NR3C1: variants seen among roughly 807,000 people sequenced by gnomAD.
NR3C1 encodes nuclear receptor subfamily 3 group C member 1, also known as glucocorticoid receptor.
In NR3C1, 14 loss-of-function variants were observed where a neutral mutation model predicts 74.0. The observed-to-expected ratio is 0.19, with a 90% CI of 0.12 to 0.30. The LOEUF (loss-of-function observed/expected upper bound fraction) is 0.30, where lower values mean the gene tolerates loss of function less well. Ranked by LOEUF, NR3C1 falls within the 10% of genes least tolerant of loss-of-function variation. NR3C1 has a pLI of 1.00. For synonymous variants in NR3C1, 308 were observed against 332.5 expected (o/e 0.93, Z 0.80); for missense variants, 695 against 909.8 (o/e 0.76, Z 3.04).
At chr5:143,369,087 A>C (rs966795916) in intron 2 of NR3C1, among the ~76,000 whole-genome samples, 1 of 152,240 alleles carries the variant, frequency 6.6e-6, no homozygotes, top group African/African-American at 2.4e-5. Context: ...GCACTTCTTA[A>C]AGGCCTCACA....
intron 3 of NR3C1, among the ~76,000 whole-genome samples, chr5:143,313,182 A>T (rs1330286850): frequency 6.6e-6 from 1 of 152,180 alleles, no homozygotes; most frequent in African/African-American, 2.4e-5. Context: ...AAATTATATG[A>T]CAATTTTTTT....
rs78530290 is a variant in NR3C1, at chr5:143,342,828, C to T, written c.1185-28660G>A. On this transcript the variant is annotated intron_variant, in intron 2 of 8. Transcript: ENST00000394464. ...AGTTAAAATACACTGTGATTCATGC[C>T]GCCATGTGAGAATATCAAAGGACCT... Among the ~76,000 whole-genome samples the T allele has an allele frequency of 4.4e-3, 672 of 152,158 alleles. 2 individuals are homozygous for T. The highest frequency in any genetic ancestry group is 0.015 in the African/African-American group (640 of 41,478).
intron 7 of NR3C1, among the ~76,000 whole-genome samples, chr5:143,283,872 T>C (rs1251093306): frequency 6.6e-6 from 1 of 152,136 alleles, no homozygotes; most frequent in Non-Finnish European, 1.5e-5. Flanking sequence ...GACAAAGGAT[T>C]TGGTGGTCAA....
chr5:143,413,745 C>T (rs1344739513), intron 1 of NR3C1, among the ~76,000 whole-genome samples: 1 of 152,094 alleles, frequency 6.6e-6, no homozygotes, highest in African/African-American at 2.4e-5. Flanking sequence ...GGACCAATAA[C>T]TATGACCAAG....
chr5:143,370,473 A>G, intron 2 of NR3C1, among the ~76,000 whole-genome samples: 1 of 152,260 alleles, frequency 6.6e-6, no homozygotes, highest in Non-Finnish European at 1.5e-5. Context: ...TAGAGGGGAT[A>G]CATCAATTTT....
At chr5:143,283,570 A>G (rs10482702) in intron 7 of NR3C1, among the ~76,000 whole-genome samples, 45 of 152,382 alleles carry the variant, frequency 3.0e-4, no homozygotes, top group African/African-American at 1.1e-3. Context: ...CCAGTTAATT[A>G]TAACTTTAAA....
intron 2 of NR3C1, among the ~76,000 whole-genome samples, chr5:143,378,997 T>A (rs1035681697): frequency 7.9e-5 from 12 of 152,242 alleles, no homozygotes; most frequent in Admixed American, 6.5e-4. Flanking sequence ...AACCCATGAA[T>A]CACAGGGAAT....
chr5:143,393,986 A>G (rs1326521973), intron 2 of NR3C1, among the ~76,000 whole-genome samples: 1 of 152,090 alleles, frequency 6.6e-6, no homozygotes, highest in South Asian at 2.1e-4. Flanking sequence ...TCAAGGTAAG[A>G]TAATGCGTAA....
intron 1 of NR3C1, among the ~76,000 whole-genome samples, chr5:143,410,064 T>G (rs1841241480): frequency 6.6e-6 from 1 of 152,214 alleles, no homozygotes; most frequent in South Asian, 2.1e-4. Flanking sequence ...AACTCAATGT[T>G]TTTAATGTTT....
At chr5:143,415,909 T>C (rs1338802552) in intron 1 of NR3C1, among the ~76,000 whole-genome samples, 1 of 152,190 alleles carries the variant, frequency 6.6e-6, no homozygotes, top group African/African-American at 2.4e-5. Context: ...AAAAATCAAT[T>C]AGAGCAGTAG....
intron 2 of NR3C1, among the ~76,000 whole-genome samples, chr5:143,384,877 T>G (rs1165346821): frequency 6.6e-6 from 1 of 152,216 alleles, no homozygotes; most frequent in Non-Finnish European, 1.5e-5. Context: ...AGTGCCCCAG[T>G]GGGGTCTCTG....
Position 143,280,800 on chromosome 5 carries a change from C to T in NR3C1, c.*1089G>A, listed in dbSNP as rs1474017792. 1 of 152,164 alleles carries T rather than the reference C, an allele frequency of 6.6e-6. No homozygotes were observed. Among genetic ancestry groups the T allele is most frequent in the Non-Finnish European group, 1.5e-5 (1 of 68,020 alleles). The allele number at this position is 152,164 out of a possible 1,614,324, so 9.4% of individuals were successfully genotyped here. ...GGGTAAAGTTTAGTGAGAGGAATTA[C>T]TTTGTCTGATTAAAAGTCTCTCAGC... On this transcript the variant is annotated 3_prime_UTR_variant, in exon 9 of 9. Coordinates refer to ENST00000394464, the MANE Select transcript of NR3C1 (RefSeq NM_000176.3).
At chr5:143,433,802 A>C (rs1342878922) in intron 1 of NR3C1, 8 of 152,144 alleles carry the variant, frequency 5.3e-5, no homozygotes, top group Non-Finnish European at 1.0e-4. Flanking sequence ...TTCTTCACAC[A>C]CCAGCCAGAG....
At chr5:143,333,028 T>G (rs1298572157) in intron 2 of NR3C1, 7 of 1,590,840 alleles carry the variant, frequency 4.4e-6, no homozygotes, top group Non-Finnish European at 5.1e-6. Flanking sequence ...GAGGAGCACC[T>G]GGGGAAGTTT....
chr5:143,406,875 A>G (rs1365576747), upstream of NR3C1: 1 of 152,232 alleles, frequency 6.6e-6, no homozygotes, highest in African/African-American at 2.4e-5. Flanking sequence ...CCAGTGTGCC[A>G]GAAAGGACGT....
chr5:143,370,178 G>C (rs1038411817), intron 2 of NR3C1, among the ~76,000 whole-genome samples: 1 of 152,026 alleles, frequency 6.6e-6, no homozygotes, highest in Non-Finnish European at 1.5e-5. Flanking sequence ...ATGGTTTCCT[G>C]CTACCTATTC....
rs13361140 is a variant in NR3C1, at chr5:143,381,550, A to G, written c.1184+18106T>C. On this transcript the variant is annotated intron_variant, in intron 2 of 8. Coordinates refer to ENST00000394464, the MANE Select transcript of NR3C1 (RefSeq NM_000176.3). ...ATTATCTGACTTCAAATTATGCTACAAAACTATAATAACCCAAACAACATA... is the reference window on the plus strand; with the variant it reads ...ATTATCTGACTTCAAATTATGCTACGAAACTATAATAACCCAAACAACATA... Among the ~76,000 whole-genome samples, 672 of 152,326 alleles carry G rather than the reference A, an allele frequency of 4.4e-3. 2 individuals are homozygous for G. The highest frequency in any genetic ancestry group is 0.015 in the African/African-American group (640 of 41,576).
intron 7 of NR3C1, among the ~76,000 whole-genome samples, chr5:143,284,075 C>CTTA (rs977400430): frequency 1.6e-4 from 24 of 152,104 alleles, no homozygotes; most frequent in African/African-American, 5.8e-4. Context: ...TTCTAGAAGT[C>CTTA]TTATTATTAT....
intron 2 of NR3C1, chr5:143,332,680 G>A (rs1003363247): frequency 4.6e-5 from 72 of 1,581,396 alleles, no homozygotes; most frequent in Middle Eastern, 3.5e-4. Flanking sequence ...GATTCCTGGC[G>A]GCAGAAACGT....
Sources: gnomAD v4.1 joint callset for allele counts (sites outside exome capture counted in the v4.1 genomes callset) on GRCh38, gnomAD v4.1.1 for gene constraint, MANE v1.5 for transcripts, NCBI Gene and HGNC (gene_info 2026-07-23, HGNC 2026-07-21) for gene names.